Variants in LTBP1 observed in about 807,000 individuals in gnomAD.
LTBP1 encodes the protein latent transforming growth factor beta binding protein 1, also known as latent-transforming growth factor beta-binding protein 1.
In LTBP1, 129 loss-of-function variants were observed where a neutral mutation model predicts 207.6. That is an observed-to-expected ratio of 0.62 (90% CI 0.54 to 0.72). The LOEUF is 0.72. Ranked by LOEUF, LTBP1 falls within the 30% of genes least tolerant of loss-of-function variation. The probability of loss-of-function intolerance (pLI) is 0.00; values close to 1 mark genes in which losing one functional copy is unlikely to be tolerated. For synonymous variants in LTBP1, 963 were observed against 833.7 expected (o/e 1.16, Z -2.67); for missense variants, 2,281 against 2,217.2 (o/e 1.03, Z -0.58).
chr2:33,263,253 C>T (rs534347313), intron 14 of LTBP1, 41 bp from the exon 15 acceptor site: 29 of 1,199,452 alleles, frequency 2.4e-5, no homozygotes, highest in African/African-American at 8.9e-5. Context: ...ATGCACATAA[C>T]GGGCTTTAAT....
rs796617693 is a variant in LTBP1 at position 33,310,632 on chromosome 2, T to G, written c.3604+1076T>G. 6.8e-4 allele frequency among the ~76,000 whole-genome samples: 104 copies of G among 152,330 alleles called. 2 individuals carry two copies. Among genetic ancestry groups the G allele is most frequent in the African/African-American group, 2.5e-3 (102 of 41,590 alleles). On this transcript the variant is annotated intron_variant, in intron 23 of 33. Coordinates refer to ENST00000404816, the MANE Select transcript of LTBP1 (RefSeq NM_206943.4). ...AGGGTCTTTTCCCACTACTCTTCCC[T>G]ACATTGCCATACCAATTATTGTTAC...
At chr2:33,267,162 G>A (rs758958296) in intron 15 of LTBP1, among the ~76,000 whole-genome samples, 1 of 152,274 alleles carries the variant, frequency 6.6e-6, no homozygotes, top group Non-Finnish European at 1.5e-5. Flanking sequence ...AGCACCTGGA[G>A]CTGCCCAGTC....
At chr2:33,270,538 C>T (rs1274875116) in intron 15 of LTBP1, among the ~76,000 whole-genome samples, 1 of 137,168 alleles carries the variant, frequency 7.3e-6, no homozygotes, top group Admixed American at 8.4e-5. Flanking sequence ...TGCACTGAGC[C>T]GAGATCGTGC....
intron 31 of LTBP1, 27 bp downstream of exon 31, chr2:33,365,530 AG>A: frequency 6.2e-7 from 1 of 1,603,280 alleles, no homozygotes; most frequent in Non-Finnish European, 8.5e-7. Flanking sequence ...TTCCTTCTGC[AG>A]GAGGCCTTTG....
At chr2:33,018,306 C>T (rs1688671646) in intron 2 of LTBP1, among the ~76,000 whole-genome samples, 1 of 151,932 alleles carries the variant, frequency 6.6e-6, no homozygotes, top group Admixed American at 6.6e-5. Flanking sequence ...GGATGTCAGT[C>T]CTTGGCCTCC....
intron 3 of LTBP1, among the ~76,000 whole-genome samples, chr2:33,103,460 G>C (rs563216886): frequency 5.5e-4 from 84 of 152,274 alleles, no homozygotes; most frequent in African/African-American, 2.0e-3. Flanking sequence ...TATGCTGTTT[G>C]CATTGTCTGC....
At chr2:33,123,642 T>C (rs2081274032) in intron 4 of LTBP1, among the ~76,000 whole-genome samples, 1 of 152,230 alleles carries the variant, frequency 6.6e-6, no homozygotes, top group Admixed American at 6.5e-5. Flanking sequence ...CAAACAGATG[T>C]GCTGAAGGCA....
intron 5 of LTBP1, among the ~76,000 whole-genome samples, chr2:33,150,575 C>T (rs1033913894): frequency 6.6e-6 from 1 of 151,962 alleles, no homozygotes; most frequent in Non-Finnish European, 1.5e-5. Flanking sequence ...ATTCCTTTCT[C>T]CCCTAGCCTC....
At chr2:33,193,836 G>A (rs897424267) in intron 7 of LTBP1, among the ~76,000 whole-genome samples, 14 of 152,064 alleles carry the variant, frequency 9.2e-5, no homozygotes, top group African/African-American at 3.4e-4. Flanking sequence ...TCTACCAACT[G>A]GCCATTCCCC....
intron 2 of LTBP1, among the ~76,000 whole-genome samples, chr2:32,979,633 G>C (rs1212707962): frequency 6.6e-6 from 1 of 152,098 alleles, no homozygotes; most frequent in Non-Finnish European, 1.5e-5. Flanking sequence ...CATGAGCTGA[G>C]GAGAAGAATG....
intron 26 of LTBP1, among the ~76,000 whole-genome samples, chr2:33,356,666 A>T (rs2149957818): frequency 6.6e-6 from 1 of 152,206 alleles, no homozygotes; most frequent in African/African-American, 2.4e-5. Flanking sequence ...AAAAACAAAA[A>T]ACCACATTTC....
chr2:32,983,779 T>C (rs1475743486), intron 2 of LTBP1, among the ~76,000 whole-genome samples: 1 of 152,218 alleles, frequency 6.6e-6, no homozygotes, highest in Non-Finnish European at 1.5e-5. Context: ...GCCATGATTG[T>C]GAGGCCTCCC....
chr2:33,325,821 CTG>C (rs2094419208), intron 24 of LTBP1, among the ~76,000 whole-genome samples: 1 of 152,102 alleles, frequency 6.6e-6, no homozygotes, highest in Non-Finnish European at 1.5e-5. Context: ...TCATAGTAAA[CTG>C]TAATTCTTTA....
intron 24 of LTBP1, among the ~76,000 whole-genome samples, chr2:33,341,114 AG>A (rs201336764): frequency 0.023 from 3,528 of 152,302 alleles, 69 homozygotes; most frequent in Non-Finnish European, 0.037. Flanking sequence ...GTGACTGTTA[AG>A]TCCAGGGCAG....
At position 33,361,516 on chromosome 2, in the gene LTBP1, G is replaced by A; in HGVS notation, c.4270+1G>A. On this transcript the variant is annotated splice_donor_variant, in intron 28 of 33. Coordinates refer to ENST00000404816, the MANE Select transcript of LTBP1 (RefSeq NM_206943.4). LOFTEE classifies it high-confidence loss of function. ...GAAGCTGGTGGTGAGAACTATAAAG[G>A]TCAGAATCAAGTGGAAACAAATTTT... is the stretch of plus-strand genomic sequence containing the variant. The A allele has an allele frequency of 6.2e-7, 1 of 1,610,190 alleles. No homozygotes were observed. Among genetic ancestry groups the A allele is most frequent in the Non-Finnish European group, 8.5e-7 (1 of 1,177,330 alleles).
intron 24 of LTBP1, among the ~76,000 whole-genome samples, chr2:33,329,098 A>AG (rs2094464260): frequency 6.6e-6 from 1 of 152,216 alleles, no homozygotes; most frequent in Non-Finnish European, 1.5e-5. Flanking sequence ...ATATATAGCC[A>AG]GTTTTTCAGA....
chr2:33,365,141 A>G (rs1015972416), intron 30 of LTBP1, among the ~76,000 whole-genome samples, 192 bp from the exon 31 acceptor site: 4 of 152,204 alleles, frequency 2.6e-5, no homozygotes, highest in Admixed American at 6.5e-5. Flanking sequence ...TGGAATTTCA[A>G]CTGATGGAAT....
intron 31 of LTBP1, among the ~76,000 whole-genome samples, chr2:33,369,708 A>AT (rs2095044757): frequency 6.6e-6 from 1 of 152,110 alleles, no homozygotes; most frequent in Non-Finnish European, 1.5e-5. Flanking sequence ...CACAAAAATA[A>AT]TTTTTTGTAT....
At chr2:33,071,079 G>C (rs1457620422) in intron 3 of LTBP1, among the ~76,000 whole-genome samples, 1 of 152,202 alleles carries the variant, frequency 6.6e-6, no homozygotes, top group African/African-American at 2.4e-5. Context: ...GGAGCTTGCA[G>C]AGTAAAGATT....
Sources: gnomAD v4.1 joint callset for allele counts (sites outside exome capture counted in the v4.1 genomes callset) on GRCh38, gnomAD v4.1.1 for gene constraint, MANE v1.5 for transcripts, NCBI Gene and HGNC (gene_info 2026-07-23, HGNC 2026-07-21) for gene names.